BANK1: variants seen among roughly 807,000 people sequenced by gnomAD.
BANK1 encodes the protein B cell scaffold protein with ankyrin repeats 1, also known as B-cell scaffold protein with ankyrin repeats.
A neutral mutation model predicts 94.5 loss-of-function variants in BANK1; 95 were observed. The ratio of observed to expected loss-of-function variants is 1.00; its 90% confidence interval spans 0.85 to 1.19. BANK1 has a LOEUF of 1.19. Among genes scored for constraint, BANK1 ranks in the 50% most tolerant of loss-of-function variants. The pLI is 0.00. For missense variants in BANK1, 987 were observed against 932.2 expected, an observed-to-expected ratio of 1.06 and a Z score of -0.77; for synonymous variants, 334 against 308.4, an observed-to-expected ratio of 1.08 and a Z score of -0.87.
At position 101,792,469 on chromosome 4, in the gene BANK1, G is replaced by GTGTGTT. The variant is rs1458927726; in HGVS notation, c.70+1520_70+1521insGTGTTT. Among the ~76,000 whole-genome samples, 472 of 97,618 alleles carry GTGTGTT rather than the reference G, an allele frequency of 4.8e-3. 5 individuals are homozygous for GTGTGTT. The highest frequency in any genetic ancestry group is 0.046 in the East Asian group (169 of 3,662). The allele number at this position is 97,618 out of a possible 152,430, so 64.0% of individuals were successfully genotyped here. On this transcript the variant is annotated intron_variant, in intron 1 of 16. Transcript: ENST00000322953. ...TGTGTGTGTGTGTGTGTGTGTGTGT[G>GTGTGTT]TTTTTTTTTTTTTAATGAAGAGCTC... is the stretch of plus-strand genomic sequence containing the variant.
At chr4:101,958,984 C>T (rs1724469763) in intron 7 of BANK1, among the ~76,000 whole-genome samples, 1 of 152,092 alleles carries the variant, frequency 6.6e-6, no homozygotes, top group East Asian at 1.9e-4. Context: ...TGCGGATGGT[C>T]CTGTAAAATC....
At chr4:101,871,313 A>C (rs892066818) in intron 5 of BANK1, among the ~76,000 whole-genome samples, 1 of 151,906 alleles carries the variant, frequency 6.6e-6, no homozygotes, top group African/African-American at 2.4e-5. Context: ...CGTGGGTGAG[A>C]GGTAGAAGAG....
At chr4:101,870,873 C>G (rs571808864) in intron 5 of BANK1, among the ~76,000 whole-genome samples, 281 of 152,038 alleles carry the variant, frequency 1.8e-3, no homozygotes, top group Non-Finnish European at 2.9e-3. Context: ...TTATTCATTA[C>G]AAGGTAGCCA....
At chr4:101,978,128 A>C (rs868592192) in intron 7 of BANK1, among the ~76,000 whole-genome samples, 5 of 151,220 alleles carry the variant, frequency 3.3e-5, no homozygotes, top group Non-Finnish European at 7.4e-5. Flanking sequence ...TTTGAAAGTA[A>C]TAATAAAAAA....
rs774555310 is a variant in BANK1, at chr4:102,072,330, A to G, written c.2243-15A>G. 4.5e-6 allele frequency: 7 copies of G among 1,549,556 alleles called. No individual in the cohort carries two copies. The highest frequency in any genetic ancestry group is 6.2e-6 in the Non-Finnish European group (7 of 1,124,102). On this transcript the variant is annotated splice_polypyrimidine_tract_variant and intron_variant, in intron 14 of 16. Transcript: ENST00000322953. Reference sequence around the variant, plus strand: ...TGAATGAATAAAGAGGTAATAACTGAGTTTGTATTTCTAGGTAAGGAAACT... The same window carrying G: ...TGAATGAATAAAGAGGTAATAACTGGGTTTGTATTTCTAGGTAAGGAAACT...
At chr4:101,892,322 C>A (rs953751077) in intron 5 of BANK1, among the ~76,000 whole-genome samples, 2 of 151,230 alleles carry the variant, frequency 1.3e-5, no homozygotes, top group Admixed American at 6.6e-5. Flanking sequence ...AATACATATG[C>A]AAATGATTTT....
chr4:101,996,035 G>T (rs1474974380), intron 7 of BANK1, among the ~76,000 whole-genome samples: 1 of 151,866 alleles, frequency 6.6e-6, no homozygotes, highest in African/African-American at 2.4e-5. Context: ...CCTATGTCCT[G>T]CAGGGTATTG....
chr4:101,810,714 T>G (rs1725709121), intron 1 of BANK1, among the ~76,000 whole-genome samples: 1 of 152,246 alleles, frequency 6.6e-6, no homozygotes, highest in Non-Finnish European at 1.5e-5. Context: ...GCTGCTGTTA[T>G]AATTCTTACT....
chr4:102,018,099 C>T (rs1726773173), intron 7 of BANK1, among the ~76,000 whole-genome samples: 2 of 152,104 alleles, frequency 1.3e-5, no homozygotes, highest in African/African-American at 4.8e-5. Flanking sequence ...ATAATGTGCC[C>T]TTCAAGTTTT....
At chr4:101,870,085 AT>A (rs33996598) in intron 4 of BANK1, among the ~76,000 whole-genome samples, 13,220 of 143,276 alleles carry the variant, frequency 0.092, 860 homozygotes, top group East Asian at 0.24. Context: ...TCAAATTACT[AT>A]TTTTGAGACA....
At chr4:101,793,527 T>C (rs1380203652) in intron 1 of BANK1, among the ~76,000 whole-genome samples, 1 of 152,206 alleles carries the variant, frequency 6.6e-6, no homozygotes, top group Non-Finnish European at 1.5e-5. Flanking sequence ...AAGTTACACT[T>C]GGGACAGTAG....
intron 7 of BANK1, among the ~76,000 whole-genome samples, chr4:101,929,483 A>C (rs1478845906): frequency 6.6e-6 from 1 of 151,638 alleles, no homozygotes; most frequent in East Asian, 1.9e-4. Flanking sequence ...ATTTTAAAAA[A>C]CTATATGACA....
chr4:102,035,288 C>T (rs562448647), intron 10 of BANK1, among the ~76,000 whole-genome samples: 1 of 152,316 alleles, frequency 6.6e-6, no homozygotes, highest in South Asian at 2.1e-4. Context: ...AAGCTTAAAA[C>T]ATGAAGCTCT....
At chr4:101,874,634 TCA>T (rs1385305654) in intron 5 of BANK1, among the ~76,000 whole-genome samples, 1 of 152,232 alleles carries the variant, frequency 6.6e-6, no homozygotes, top group African/African-American at 2.4e-5. Flanking sequence ...TCTTTGAATG[TCA>T]CACAGACTGC....
chr4:101,966,992 G>A (rs1724788989), intron 7 of BANK1, among the ~76,000 whole-genome samples: 1 of 152,056 alleles, frequency 6.6e-6, no homozygotes, highest in South Asian at 2.1e-4. Flanking sequence ...TTTCCCAAGT[G>A]TCCTAAATGA....
At chr4:101,891,119 A>G (rs1317159835) in intron 5 of BANK1, among the ~76,000 whole-genome samples, 1 of 152,118 alleles carries the variant, frequency 6.6e-6, no homozygotes, top group African/African-American at 2.4e-5. Context: ...CTGATGTGCC[A>G]AAAGGTCTTC....
At chr4:101,980,725 T>A (rs1725299850) in intron 7 of BANK1, among the ~76,000 whole-genome samples, 1 of 152,074 alleles carries the variant, frequency 6.6e-6, no homozygotes, top group Non-Finnish European at 1.5e-5. Flanking sequence ...CAGTATGTCA[T>A]CCCACTTACC....
At chr4:101,806,081 C>A (rs946691651) in intron 1 of BANK1, among the ~76,000 whole-genome samples, 4 of 150,952 alleles carry the variant, frequency 2.6e-5, no homozygotes, top group African/African-American at 7.3e-5. Context: ...AATATATTTT[C>A]TTTTATTTTT....
intron 7 of BANK1, among the ~76,000 whole-genome samples, chr4:101,963,173 C>T (rs1724630706): frequency 6.6e-6 from 1 of 152,092 alleles, no homozygotes; most frequent in Non-Finnish European, 1.5e-5. Context: ...TTGATATCCA[C>T]TTAGGCATAT....
Sources: gnomAD v4.1 joint callset for allele counts (sites outside exome capture counted in the v4.1 genomes callset) on GRCh38, gnomAD v4.1.1 for gene constraint, MANE v1.5 for transcripts, NCBI Gene and HGNC (gene_info 2026-07-23, HGNC 2026-07-21) for gene names.